Variants in ST3GAL6 observed in about 807,000 individuals in gnomAD.
The protein encoded by ST3GAL6 is ST3 beta-galactoside alpha-2,3-sialyltransferase 6.
Under a neutral mutation model 40.5 loss-of-function variants are expected in ST3GAL6, and 31 were observed. The observed-to-expected ratio is 0.77, with a 90% confidence interval of 0.58 to 1.03. The LOEUF (loss-of-function observed/expected upper bound fraction) is 1.03, where lower values mean the gene tolerates loss of function less well. ST3GAL6 is among the 50% of genes least tolerant of loss of function. The probability of loss-of-function intolerance (pLI) is 0.00; values close to 1 mark genes in which losing one functional copy is unlikely to be tolerated. For synonymous variants in ST3GAL6, 129 were observed against 136.9 expected (o/e 0.94, Z 0.40); for missense variants, 357 against 393.2 (o/e 0.91, Z 0.78).
intron 1 of ST3GAL6, chr3:98,756,589 T>C (rs927593948): frequency 2.3e-5 from 27 of 1,185,842 alleles, no homozygotes; most frequent in Non-Finnish European, 2.9e-5. Context: ...AAATGTAAAC[T>C]TGAGCACTTG....
chr3:98,749,401 T>G (rs1936813828), intron 1 of ST3GAL6, among the ~76,000 whole-genome samples: 1 of 152,228 alleles, frequency 6.6e-6, no homozygotes, highest in South Asian at 2.1e-4. Context: ...ACATTTTCAT[T>G]TGCTGTGGAG....
intron 5 of ST3GAL6, among the ~76,000 whole-genome samples, chr3:98,777,375 A>G (rs1939655736): frequency 6.6e-6 from 1 of 152,170 alleles, no homozygotes; most frequent in Non-Finnish European, 1.5e-5. Flanking sequence ...ATTGGCAAAC[A>G]TTACAAATCA....
intron 1 of ST3GAL6, chr3:98,732,670 G>T: frequency 1.8e-6 from 1 of 541,330 alleles, no homozygotes. Flanking sequence ...CGGAGCAGGA[G>T]GAGCTTCCCG....
chr3:98,790,988 A>AT (rs913192122), intron 8 of ST3GAL6, among the ~76,000 whole-genome samples: 16 of 151,582 alleles, frequency 1.1e-4, no homozygotes, highest in South Asian at 2.1e-4. Flanking sequence ...TGCTTCTTCG[A>AT]TTTTTTTTTC....
rs1941540050 is a variant in ST3GAL6 at position 98,795,575 on chromosome 3, A to G, written c.*1814A>G. 1 of 152,184 alleles carries G rather than the reference A, an allele frequency of 6.6e-6. No homozygotes were observed. The highest frequency in any genetic ancestry group is 1.5e-5 in the Non-Finnish European group (1 of 68,052). 9.4% of individuals were successfully genotyped at this position (152,184 alleles called of 1,614,324 possible). On this transcript the variant is annotated 3_prime_UTR_variant, in exon 10 of 10. Coordinates refer to ENST00000483910, the MANE Select transcript of ST3GAL6 (RefSeq NM_001323368.2). ...GTGTGGCTGCTGAAGTTCAATTGAT[A>G]TAAAGTAAATCAGGCTTCAAAAAGA...
intron 1 of ST3GAL6, among the ~76,000 whole-genome samples, chr3:98,767,820 C>T (rs902891318): frequency 6.6e-6 from 1 of 152,080 alleles, no homozygotes; most frequent in Non-Finnish European, 1.5e-5. Context: ...TAATACAAAA[C>T]AAGCAAGTAG....
intron 1 of ST3GAL6, among the ~76,000 whole-genome samples, chr3:98,765,666 C>T (rs1938248391): frequency 6.6e-6 from 1 of 152,162 alleles, no homozygotes; most frequent in African/African-American, 2.4e-5. Context: ...CCTTGCCATC[C>T]TCTACCCACA....
chr3:98,766,633 G>T (rs1938378730), intron 1 of ST3GAL6, among the ~76,000 whole-genome samples: 1 of 151,968 alleles, frequency 6.6e-6, no homozygotes, highest in Non-Finnish European at 1.5e-5. Flanking sequence ...ATCTTGGCCA[G>T]GTTGGTATTG....
At chr3:98,771,979 G>A (rs1266550990) in intron 3 of ST3GAL6, among the ~76,000 whole-genome samples, 3 of 152,170 alleles carry the variant, frequency 2.0e-5, no homozygotes, top group South Asian at 2.1e-4. Context: ...TTTTTAAAAA[G>A]ATGCCGATCG....
intron 2 of ST3GAL6, among the ~76,000 whole-genome samples, chr3:98,769,109 G>T (rs73136010): frequency 6.6e-6 from 1 of 152,066 alleles, no homozygotes; most frequent in African/African-American, 2.4e-5. Context: ...AATCCCAAGC[G>T]GGTGGCAGTA....
intron 1 of ST3GAL6, among the ~76,000 whole-genome samples, chr3:98,739,486 A>G (rs1415620724): frequency 6.6e-6 from 1 of 152,174 alleles, no homozygotes; most frequent in Non-Finnish European, 1.5e-5. Flanking sequence ...CCATACCATT[A>G]GATTTTAGTC....
intron 1 of ST3GAL6, among the ~76,000 whole-genome samples, chr3:98,744,594 C>T (rs1367800077): frequency 6.6e-6 from 1 of 152,208 alleles, no homozygotes; most frequent in African/African-American, 2.4e-5. Context: ...CAGTTTGCTT[C>T]CTGACATGCT....
chr3:98,789,670 A>G (rs1941038388), intron 8 of ST3GAL6, among the ~76,000 whole-genome samples: 1 of 152,234 alleles, frequency 6.6e-6, no homozygotes, highest in African/African-American at 2.4e-5. Context: ...AAAAGCATAC[A>G]TGTTTTAAAT....
At position 98,788,216 on chromosome 3, in the gene ST3GAL6, C is replaced by G. The variant is rs756010734; in HGVS notation, c.612C>G (p.Asp204Glu). ...GGCTGTTGGAATTGTTGATGGGTGA[C>G]AAAATAGTAAGTAGGCAAAATTGTT... ...LRWLLELLMG[D>E]KINTNGFWKK... is the part of the protein sequence containing the mutation. Residue 204 changes from aspartate to glutamate, a missense_variant, in exon 7 of 10, where the codon GAC becomes GAG. Physicochemically the swap from Asp to Glu is conservative, Grantham distance 45. Coordinates refer to ENST00000483910, the MANE Select transcript of ST3GAL6 (RefSeq NM_001323368.2). 3.7e-6 allele frequency: 6 copies of G among 1,606,672 alleles called. No homozygotes were observed. In the South Asian group the frequency reaches 6.7e-5, roughly 18 times the overall value.
At chr3:98,773,870 TAA>T (rs1184355303) in intron 4 of ST3GAL6, 48 bp from the exon 5 acceptor site, 2 of 1,522,104 alleles carry the variant, frequency 1.3e-6, no homozygotes, top group Non-Finnish European at 1.8e-6. Context: ...TACTAAGTAC[TAA>T]AAAGACATGA....
Position 98,770,975 on chromosome 3 carries a change from A to C in ST3GAL6, c.167+19A>C, listed in dbSNP as rs930878202. The C allele has an allele frequency of 1.9e-6, 3 of 1,610,644 alleles. No homozygotes were observed. Among genetic ancestry groups the C allele is most frequent in the South Asian group, 1.1e-5 (1 of 90,910 alleles). On this transcript the variant is annotated intron_variant, in intron 3 of 9. Coordinates refer to ENST00000483910, the MANE Select transcript of ST3GAL6 (RefSeq NM_001323368.2). Reference sequence around the variant, plus strand: ...TGCTGAGGTAAAAATATACCAGAAAAACCTGTGGCATACAAAATATTCTAA... The same window carrying C: ...TGCTGAGGTAAAAATATACCAGAAACACCTGTGGCATACAAAATATTCTAA...
intron 5 of ST3GAL6, among the ~76,000 whole-genome samples, chr3:98,783,918 A>G (rs1940430123): frequency 6.6e-6 from 1 of 152,268 alleles, no homozygotes; most frequent in Non-Finnish European, 1.5e-5. Flanking sequence ...GAGTGTGTAC[A>G]TCATCTCCTG....
intron 5 of ST3GAL6, chr3:98,784,694 T>A: frequency 2.7e-6 from 1 of 364,422 alleles, no homozygotes; most frequent in Non-Finnish European, 5.0e-6. Flanking sequence ...TAGGTGGGTA[T>A]GAGAATCAAA....
chr3:98,786,378 G>C (rs1478675423), intron 6 of ST3GAL6, among the ~76,000 whole-genome samples: 2 of 152,192 alleles, frequency 1.3e-5, no homozygotes, highest in African/African-American at 4.8e-5. Context: ...AGCCAAGAGA[G>C]CAAAGTGTTC....
Sources: allele counts gnomAD v4.1 joint callset (sites outside exome capture counted in the v4.1 genomes callset), GRCh38; gene constraint gnomAD v4.1.1; transcripts MANE v1.5; gene names NCBI Gene and HGNC (gene_info 2026-07-23, HGNC 2026-07-21).